DCDC1: variants seen among roughly 807,000 people sequenced by gnomAD.
DCDC1 encodes doublecortin domain-containing protein 1.
DCDC1 carries 200 observed loss-of-function variants against 178.3 expected under a neutral mutation model. That is an observed-to-expected ratio of 1.12 (90% CI 1.00 to 1.26). The LOEUF (loss-of-function observed/expected upper bound fraction) is 1.26, where lower values mean the gene tolerates loss of function less well. DCDC1 is among the 50% of genes most tolerant of loss of function. The pLI, the probability that DCDC1 is intolerant of heterozygous loss-of-function variation, is 0.00. For synonymous variants in DCDC1, 690 were observed against 604.8 expected (o/e 1.14, Z -2.07); for missense variants, 1,983 against 1,749.2 (o/e 1.13, Z -2.38).
chr11:31,346,463 C>CAA lies in DCDC1; in HGVS notation c.-124-10901_-124-10900dup, dbSNP rs377761189. Among the ~76,000 whole-genome samples the CAA allele has an allele frequency of 3.8e-3, 320 of 83,152 alleles. 2 individuals are homozygous for CAA. The highest frequency in any genetic ancestry group is 8.4e-3 in the East Asian group (11 of 1,304). 54.6% of individuals were successfully genotyped at this position (83,152 alleles called of 152,430 possible). A position where few individuals can be genotyped will look rare whatever the true frequency, so the allele number is the denominator to read the frequency against. On this transcript the variant is annotated intron_variant, in intron 1 of 38. Coordinates refer to ENST00000684477, the MANE Select transcript of DCDC1 (RefSeq NM_001387274.1). ...TGGGCGACAGAAGGAGACTCCGTCT[C>CAA]AAAAAAAAAAAAAAAAAAAAAAAAA...
intron 38 of DCDC1, 37 bp downstream of exon 38, chr11:30,878,507 T>C: frequency 7.0e-7 from 1 of 1,426,952 alleles, no homozygotes; most frequent in Non-Finnish European, 9.3e-7. Context: ...ATAATCATAA[T>C]GTCATAACAA....
intron 7 of DCDC1, among the ~76,000 whole-genome samples, chr11:31,286,557 C>A (rs1929017): frequency 0.021 from 3,126 of 151,732 alleles, 95 homozygotes; most frequent in African/African-American, 0.07. Flanking sequence ...AAGATTGACA[C>A]AACATATTTT....
At chr11:31,252,992 T>C (rs1161224391) in intron 8 of DCDC1, among the ~76,000 whole-genome samples, 1 of 152,000 alleles carries the variant, frequency 6.6e-6, no homozygotes, top group East Asian at 1.9e-4. Context: ...CTGAAGCAGA[T>C]ACTGAAAAAA....
chr11:30,897,887 G>C (rs570634940), intron 34 of DCDC1, among the ~76,000 whole-genome samples: 4 of 152,212 alleles, frequency 2.6e-5, no homozygotes, highest in African/African-American at 9.6e-5. Context: ...TGGAGGGGAA[G>C]TTCAAAGTGG....
At chr11:30,935,564 G>A (rs996402856) in intron 21 of DCDC1, among the ~76,000 whole-genome samples, 7 of 150,176 alleles carry the variant, frequency 4.7e-5, no homozygotes, top group Admixed American at 1.3e-4. Context: ...TGTTTGTTTG[G>A]GTTTTTTTGA....
intron 11 of DCDC1, 47 bp from the exon 12 acceptor site, chr11:31,110,408 T>C (rs530788074): frequency 1.5e-6 from 1 of 679,618 alleles, no homozygotes; most frequent in Non-Finnish European, 2.7e-6. Context: ...CATGCACACA[T>C]ACATACATAT....
At chr11:31,038,960 T>C (rs1376392859) in intron 20 of DCDC1, among the ~76,000 whole-genome samples, 1 of 152,192 alleles carries the variant, frequency 6.6e-6, no homozygotes, top group Non-Finnish European at 1.5e-5. Context: ...AAGAAATGTT[T>C]TTCATATGTC....
In DCDC1 at chr11:31,201,914, C is replaced by T. The variant is rs563114824; in HGVS notation, c.1221+39536G>A. Among the ~76,000 whole-genome samples, 323 of 152,240 alleles carry T rather than the reference C, an allele frequency of 2.1e-3. 1 individual carries two copies. The highest frequency in any genetic ancestry group is 3.7e-3 in the Non-Finnish European group (253 of 68,008). ...TGTCAATACACAAGATGTGTCAGAG[C>T]TAGCATATCTATTTTTATACTTCTC... On this transcript the variant is annotated intron_variant, in intron 9 of 38. Transcript: ENST00000684477.
At chr11:30,906,779 A>G (rs1297191522) in intron 29 of DCDC1, 54 bp from the exon 30 acceptor site, 4 of 1,487,014 alleles carry the variant, frequency 2.7e-6, no homozygotes, top group Non-Finnish European at 3.6e-6. Context: ...TTGTTATAGC[A>G]TTGCTGTAGA....
intron 25 of DCDC1, among the ~76,000 whole-genome samples, chr11:30,917,763 A>G (rs1365385522): frequency 2.0e-5 from 3 of 152,200 alleles, no homozygotes; most frequent in Non-Finnish European, 2.9e-5. Flanking sequence ...ATACAGGCAA[A>G]GCAGCAAGCC....
intron 25 of DCDC1, 100 bp from the exon 26 acceptor site, chr11:30,917,128 G>T: frequency 8.5e-7 from 1 of 1,180,782 alleles, no homozygotes. Context: ...CAGGATGTTG[G>T]TGGATCTATA....
intron 16 of DCDC1, among the ~76,000 whole-genome samples, chr11:31,093,302 A>G (rs1957928341): frequency 6.6e-6 from 1 of 152,216 alleles, no homozygotes; most frequent in South Asian, 2.1e-4. Context: ...TCATTTGCGA[A>G]AATAGTGTCA....
Position 31,334,408 on chromosome 11 carries a change from A to G in DCDC1, c.-7+1039T>C, listed in dbSNP as rs1950165940. ...AGCTTGTCAAAGTCATTCTCCATCC[A>G]GCTTTGTTCCATTGCTGGCGAGGAG... is the stretch of plus-strand genomic sequence containing the variant. On this transcript the variant is annotated intron_variant, in intron 2 of 38. Coordinates refer to ENST00000684477, the MANE Select transcript of DCDC1 (RefSeq NM_001387274.1). Among the ~76,000 whole-genome samples the G allele has an allele frequency of 2.0e-5, 3 of 152,154 alleles. 1 individual carries two copies. The South Asian group carries it at 6.2e-4, about 31-fold the overall frequency.
intron 8 of DCDC1, chr11:31,263,174 A>G: frequency 1.7e-6 from 2 of 1,184,270 alleles, no homozygotes; most frequent in Non-Finnish European, 2.4e-6. Flanking sequence ...TATAGTTTCA[A>G]TTCTAGCAGT....
chr11:30,885,884 G>T (rs757610976), intron 36 of DCDC1, among the ~76,000 whole-genome samples: 7 of 152,058 alleles, frequency 4.6e-5, no homozygotes, highest in Non-Finnish European at 7.4e-5. Context: ...ATAGACTGAT[G>T]TATCAATATG....
intron 20 of DCDC1, among the ~76,000 whole-genome samples, chr11:31,038,057 C>G (rs966549063): frequency 2.1e-5 from 2 of 95,048 alleles, no homozygotes; most frequent in South Asian, 3.5e-4. Flanking sequence ...GGGAACATCA[C>G]GCACTGGGGC....
At chr11:31,331,038 A>T (rs897747732) in intron 2 of DCDC1, among the ~76,000 whole-genome samples, 4 of 152,050 alleles carry the variant, frequency 2.6e-5, no homozygotes, top group Admixed American at 2.0e-4. Flanking sequence ...GGAATGTTCA[A>T]TTTGTTTCTG....
At chr11:31,014,691 T>A (rs970020401) in intron 20 of DCDC1, among the ~76,000 whole-genome samples, 2 of 152,196 alleles carry the variant, frequency 1.3e-5, no homozygotes, top group Non-Finnish European at 2.9e-5. Flanking sequence ...CCATGGTGTT[T>A]ACCAATCACT....
intron 3 of DCDC1, among the ~76,000 whole-genome samples, chr11:31,322,251 A>G (rs1949406617): frequency 6.6e-6 from 1 of 152,228 alleles, no homozygotes; most frequent in South Asian, 2.1e-4. Context: ...AATGTATCCA[A>G]ATACCACTGA....
Sources: allele counts gnomAD v4.1 joint callset (sites outside exome capture counted in the v4.1 genomes callset), GRCh38; gene constraint gnomAD v4.1.1; transcripts MANE v1.5; gene names NCBI Gene and HGNC (gene_info 2026-07-23, HGNC 2026-07-21).